The following VPS35 variants were observed in gnomAD, a reference collection of about 807,000 sequenced individuals.
VPS35 encodes the protein vacuolar protein sorting-associated protein 35.
A neutral mutation model predicts 98.1 loss-of-function variants in VPS35; 21 were observed. The observed-to-expected ratio is 0.21, with a 90% CI of 0.15 to 0.31. VPS35 has a LOEUF of 0.31. Ranked by LOEUF, VPS35 falls within the 10% of genes least tolerant of loss-of-function variation. The probability of loss-of-function intolerance (pLI) is 1.00; values close to 1 mark genes in which losing one functional copy is unlikely to be tolerated. For missense variants in VPS35, 554 were observed against 950.8 expected, an observed-to-expected ratio of 0.58 and a Z score of 5.49; for synonymous variants, 268 against 318.2, an observed-to-expected ratio of 0.84 and a Z score of 1.68.
Position 46,664,525 on chromosome 16 carries a change from CT to C in VPS35, c.1648-1364del, listed in dbSNP as rs529630190. ...TTGTATCTAATTTTTCTTTTCTTTT[CT>C]TTTTTTTTTTTTGAGAAGTAGTTTC... On this transcript the variant is annotated intron_variant, in intron 13 of 16. Transcript: ENST00000299138. Among the ~76,000 whole-genome samples the C allele has an allele frequency of 1.4e-3, 202 of 142,694 alleles. 1 individual carries two copies. The South Asian group carries it at 0.017, about 12-fold the overall frequency. 93.6% of individuals were successfully genotyped at this position (142,694 alleles called of 152,430 possible).
chr16:46,688,584 C>G, intron 1 of VPS35: 7 of 996,944 alleles, frequency 7.0e-6, no homozygotes, highest in African/African-American at 1.7e-5. Flanking sequence ...TAAGCAGGTC[C>G]CCAGAACTCG....
At chr16:46,688,893 G>A (rs905239018) in intron 1 of VPS35, 26 of 1,449,306 alleles carry the variant, frequency 1.8e-5, no homozygotes, top group Middle Eastern at 2.5e-4. Context: ...ACCCCACAGA[G>A]AGGCCGCCCC....
At chr16:46,662,722 G>C (rs1965931708) in intron 14 of VPS35, among the ~76,000 whole-genome samples, 1 of 152,080 alleles carries the variant, frequency 6.6e-6, no homozygotes, top group South Asian at 2.1e-4. Context: ...CTGGATTTTG[G>C]GAATTGAGTG....
intron 6 of VPS35, among the ~76,000 whole-genome samples, chr16:46,678,690 C>T (rs906957309): frequency 6.6e-6 from 1 of 152,150 alleles, no homozygotes; most frequent in African/African-American, 2.4e-5. Flanking sequence ...TTAATTTCTA[C>T]AAAAGTCTGC....
intron 8 of VPS35, among the ~76,000 whole-genome samples, chr16:46,676,065 C>CAAAAAAAAAAAAAAAAAAAA (rs369452932): frequency 1.6e-5 from 1 of 63,594 alleles, no homozygotes; most frequent in Non-Finnish European, 2.7e-5. Context: ...GGATCTGTCT[C>CAAAAAAAAAAAAAAAAAAAA]AAAAAAAAAA....
chr16:46,662,184 T>C, intron 15 of VPS35, 59 bp downstream of exon 15: 1 of 1,613,164 alleles, frequency 6.2e-7, no homozygotes, highest in East Asian at 2.2e-5. Context: ...CACAAGGCCA[T>C]GACAACTGAT....
At position 46,676,663 on chromosome 16, in the gene VPS35, A is replaced by G. The variant is rs148572750; in HGVS notation, c.834T>C (p.Thr278=). Residue 278 remains threonine, a synonymous_variant, in exon 8 of 17, where the codon ACT becomes ACC. Transcript: ENST00000299138. ...QVFPDEFHLQ[T]LNPFLRACAE... is the part of the protein sequence containing the mutation. ...CACAGGCCCGAAGAAAAGGATTCAA[A>G]GTCTGGAGGTGAAATTCATCAGGGA... The G allele has an allele frequency of 1.8e-4, 291 of 1,613,468 alleles. 2 individuals are homozygous for G. In the African/African-American group the frequency reaches 2.4e-3, roughly 13 times the overall value.
At chr16:46,688,115 T>C (rs1353426171) in intron 1 of VPS35, among the ~76,000 whole-genome samples, 1 of 152,158 alleles carries the variant, frequency 6.6e-6, no homozygotes, top group Non-Finnish European at 1.5e-5. Context: ...TATATGAAAA[T>C]AGTATTTGTA....
rs1041156146 is a variant in VPS35, at chr16:46,657,212, T to C, written c.*3260A>G. 1 of 152,144 alleles carries C rather than the reference T, an allele frequency of 6.6e-6. No homozygotes were observed. The highest frequency in any genetic ancestry group is 1.5e-5 in the Non-Finnish European group (1 of 68,042). The allele number at this position is 152,144 out of a possible 1,614,324, so 9.4% of individuals were successfully genotyped here. A position where few individuals can be genotyped will look rare whatever the true frequency, so the allele number is the denominator to read the frequency against. On this transcript the variant is annotated 3_prime_UTR_variant, in exon 17 of 17. Coordinates refer to ENST00000299138, the MANE Select transcript of VPS35 (RefSeq NM_018206.6). ...GTAGATACTGGCACCTGAATCAGTG[T>C]CTGTTGTCCATGCCTACAGCATCCC...
intron 8 of VPS35, 40 bp downstream of exon 8, chr16:46,676,543 C>T: frequency 8.0e-7 from 1 of 1,244,798 alleles, no homozygotes; most frequent in South Asian, 1.2e-5. Flanking sequence ...TCATTATTCC[C>T]AAGTCAGAGC....
intron 12 of VPS35, 51 bp downstream of exon 12, chr16:46,671,654 T>C: frequency 6.2e-7 from 1 of 1,611,054 alleles, no homozygotes; most frequent in Non-Finnish European, 8.5e-7. Context: ...CACTTGAACA[T>C]GTGATTTCAC....
intron 13 of VPS35, among the ~76,000 whole-genome samples, chr16:46,667,939 T>G (rs1344423248): frequency 2.0e-5 from 3 of 152,234 alleles, no homozygotes; most frequent in African/African-American, 7.2e-5. Flanking sequence ...GGCTTTGTAA[T>G]GTAGGCTGGT....
At chr16:46,680,569 G>A in intron 5 of VPS35, 102 bp downstream of exon 5, 6 of 1,288,182 alleles carry the variant, frequency 4.7e-6, no homozygotes, top group Non-Finnish European at 6.6e-6. Context: ...CTGACTGGGT[G>A]GAAGAATTAT....
Position 46,663,862 on chromosome 16 carries a change from A to ATTTTTTTTTTTTTTTTTTTTTTTTTTTTT in VPS35, c.1648-729_1648-701dup, listed in dbSNP as rs546485076. 7.0e-5 allele frequency among the ~76,000 whole-genome samples: 2 copies of ATTTTTTTTTTTTTTTTTTTTTTTTTTTTT among 28,686 alleles called. 1 individual carries two copies. The highest frequency in any genetic ancestry group is 1.2e-4 in the Non-Finnish European group (2 of 16,858). The allele number at this position is 28,686 out of a possible 152,430, so 18.8% of individuals were successfully genotyped here. On this transcript the variant is annotated intron_variant, in intron 13 of 16. Coordinates refer to ENST00000299138, the MANE Select transcript of VPS35 (RefSeq NM_018206.6). ...AGGCTTGCATCACCACACCTGGCTA[A>ATTTTTTTTTTTTTTTTTTTTTTTTTTTTT]TTTTTTTTTTTTTTTTTTTTTTTTT...
chr16:46,669,238 A>T, intron 12 of VPS35, 186 bp from the exon 13 acceptor site: 2 of 719,430 alleles, frequency 2.8e-6, no homozygotes, highest in Non-Finnish European at 4.6e-6. Flanking sequence ...GACAGATACT[A>T]TTCCATTTCA....
Position 46,677,177 on chromosome 16 carries a change from T to C in VPS35, c.804+138A>G. 8.9e-6 allele frequency: 7 copies of C among 787,660 alleles called. 1 individual carries two copies. In the Admixed American group the frequency reaches 1.6e-4, roughly 17 times the overall value. 48.8% of individuals were successfully genotyped at this position (787,660 alleles called of 1,614,324 possible). A position where few individuals can be genotyped will look rare whatever the true frequency, so the allele number is the denominator to read the frequency against. On this transcript the variant is annotated intron_variant, in intron 7 of 16. Transcript: ENST00000299138. Reference sequence around the variant, plus strand: ...TCCCAAACTGCTGAGATTACAGGTGTGAGTCACCACACCCCGCAAGGAAAA... The same window carrying C: ...TCCCAAACTGCTGAGATTACAGGTGCGAGTCACCACACCCCGCAAGGAAAA...
At chr16:46,681,522 T>C in intron 3 of VPS35, 22 bp from the exon 4 acceptor site, 1 of 1,610,630 alleles carries the variant, frequency 6.2e-7, no homozygotes, top group Non-Finnish European at 8.5e-7. Flanking sequence ...GATTAAGGAC[T>C]AAAAATAAAA....
At chr16:46,683,723 A>T in intron 1 of VPS35, 117 bp from the exon 2 acceptor site, 1 of 1,102,516 alleles carries the variant, frequency 9.1e-7, no homozygotes, top group Non-Finnish European at 1.3e-6. Flanking sequence ...CCTCAAACCC[A>T]TTTACCAAAT....
At chr16:46,666,826 TAC>T (rs1288132761) in intron 13 of VPS35, among the ~76,000 whole-genome samples, 4 of 152,220 alleles carry the variant, frequency 2.6e-5, no homozygotes, top group African/African-American at 4.8e-5. Context: ...TATACGTATA[TAC>T]ACACACATAT....
Sources: allele counts gnomAD v4.1 joint callset (sites outside exome capture counted in the v4.1 genomes callset), GRCh38; gene constraint gnomAD v4.1.1; transcripts MANE v1.5; gene names NCBI Gene and HGNC (gene_info 2026-07-23, HGNC 2026-07-21).